SLC32A1: variants seen among roughly 807,000 people sequenced by gnomAD.
SLC32A1 encodes solute carrier family 32 member 1, also known as vesicular inhibitory amino acid transporter.
In SLC32A1, 8 loss-of-function variants were observed where a neutral mutation model predicts 35.5. The ratio of observed to expected loss-of-function variants is 0.23; its 90% confidence interval spans 0.13 to 0.41. SLC32A1 has a LOEUF of 0.41. Ranked by LOEUF, SLC32A1 falls within the 10% of genes least tolerant of loss-of-function variation. The pLI is 1.00. For synonymous variants in SLC32A1, 317 were observed against 326.3 expected, an observed-to-expected ratio of 0.97 and a Z score of 0.31; for missense variants, 493 against 722.3, an observed-to-expected ratio of 0.68 and a Z score of 3.64.
chr20:38,724,691 TC>T lies in SLC32A1; in HGVS notation c.-32del, dbSNP rs756236460. 30 of 1,548,644 alleles carry T rather than the reference TC, an allele frequency of 1.9e-5. No individual in the cohort carries two copies. Among genetic ancestry groups the T allele is most frequent in the Middle Eastern group, 4.7e-4 (2 of 4,222 alleles). ...GCATCGCGTTCCCCGCATCCTCGGGTCCTTCTGTCCTTTCCGCTGTCCCCAC... is the reference window on the plus strand; with the variant it reads ...GCATCGCGTTCCCCGCATCCTCGGGTCTTCTGTCCTTTCCGCTGTCCCCAC... On this transcript the variant is annotated 5_prime_UTR_variant, in exon 1 of 2. Transcript: ENST00000217420.
In SLC32A1 at chr20:38,727,641, T is replaced by A. The variant is rs1411899232; in HGVS notation, c.580T>A (p.Cys194Ser). 9.9e-6 allele frequency: 16 copies of A among 1,614,088 alleles called. No individual in the cohort carries two copies. The highest frequency in any genetic ancestry group is 1.3e-5 in the African/African-American group (1 of 75,078). ...DSYVAIANACCAPRFPTLGGR... is the reference protein window; with the variant it reads ...DSYVAIANACSAPRFPTLGGR... ...GTACGTGGCCATAGCCAACGCCTGC[T>A]GCGCCCCGCGCTTCCCAACGCTGGG... The change falls in exon 2 of 2, where the codon TGC becomes AGC. Residue 194 changes from cysteine (C) to serine (S), a missense_variant. By Grantham distance (112) the Cys-to-Ser change is moderately radical (BLOSUM62 -1). Transcript: ENST00000217420.
intron 1 of SLC32A1, 56 bp from the exon 2 acceptor site, chr20:38,727,396 T>A: frequency 1.3e-6 from 2 of 1,541,542 alleles, no homozygotes; most frequent in Non-Finnish European, 1.8e-6. Flanking sequence ...CCCGGGCCCC[T>A]CATCCGTTGC....
At chr20:38,725,409 C>A (rs2084271601) in intron 1 of SLC32A1, among the ~76,000 whole-genome samples, 2 of 152,134 alleles carry the variant, frequency 1.3e-5, no homozygotes, top group Admixed American at 6.5e-5. Context: ...GGGGAGGGAG[C>A]AGGAAGCGAT....
At position 38,726,251 on chromosome 20, in the gene SLC32A1, G is replaced by T. The variant is rs999315882; in HGVS notation, c.390+1137G>T. Among the ~76,000 whole-genome samples, 1 of 152,238 alleles carries T rather than the reference G, an allele frequency of 6.6e-6. No homozygotes were observed. The highest frequency in any genetic ancestry group is 6.5e-5 in the Admixed American group (1 of 15,290). Reference sequence around the variant, plus strand: ...GCGCACTATCACTGGGGCCACGGAAGGCAGGTTTTCTGGGAGCAGAGGCCT... The same window carrying T: ...GCGCACTATCACTGGGGCCACGGAATGCAGGTTTTCTGGGAGCAGAGGCCT... On this transcript the variant is annotated intron_variant, in intron 1 of 1. Transcript: ENST00000217420. The surrounding 1 kb of genome is among the most constrained non-coding windows in gnomAD (Gnocchi z 4.7).
chr20:38,724,658 G>C lies in SLC32A1; in HGVS notation c.-67G>C. The C allele has an allele frequency of 6.6e-7, 1 of 1,525,436 alleles. No homozygotes were observed. Among genetic ancestry groups the C allele is most frequent in the Non-Finnish European group, 8.8e-7 (1 of 1,141,008 alleles). 94.5% of individuals were successfully genotyped at this position (1,525,436 alleles called of 1,614,324 possible). On this transcript the variant is annotated 5_prime_UTR_variant, in exon 1 of 2. Transcript: ENST00000217420. ...AGCGACTTTGCGCCCCCCAGCCCTC[G>C]CCTTCTTGCATCGCGTTCCCCGCAT...
At chr20:38,727,001 G>T (rs2084278529) in intron 1 of SLC32A1, among the ~76,000 whole-genome samples, 1 of 151,894 alleles carries the variant, frequency 6.6e-6, no homozygotes, top group Non-Finnish European at 1.5e-5. Flanking sequence ...CTTTCCACTG[G>T]CCCAGGCCCA....
At position 38,724,736 on chromosome 20, in the gene SLC32A1, G is replaced by C. The variant is rs779446777; in HGVS notation, c.12G>C (p.Leu4Phe). 6 of 1,608,762 alleles carry C rather than the reference G, an allele frequency of 3.7e-6. No individual in the cohort carries two copies. Among genetic ancestry groups the C allele is most frequent in the African/African-American group, 1.3e-5 (1 of 74,908 alleles). Residue 4 changes from leucine to phenylalanine, a missense_variant, in exon 1 of 2, where the codon TTG (leucine) becomes TTC (phenylalanine). This residue lies in a region of SLC32A1 where 133 missense variants were observed against 145.9 expected (regional missense o/e 0.91). Transcript: ENST00000217420. MAT[L>F]LRSKLSNVAT... ...TCCCCACCGCCGCCATGGCCACCTT[G>C]CTCCGCAGCAAGCTGTCCAACGTGG... is the stretch of plus-strand genomic sequence containing the variant.
rs1367970441 is a variant in SLC32A1, at chr20:38,726,366, G to A, written c.391-1086G>A. On this transcript the variant is annotated intron_variant, in intron 1 of 1. Coordinates refer to ENST00000217420, the MANE Select transcript of SLC32A1 (RefSeq NM_080552.3). This position sits in a 1 kb window ranked among gnomAD's most constrained non-coding sequence, Gnocchi z 4.7. ...CGACCCAAGGCGCTTTCCGCTCCGG[G>A]GCCCGGCGAGACGGCCTTGCTGGAT... Among the ~76,000 whole-genome samples the A allele has an allele frequency of 1.3e-5, 2 of 152,162 alleles. No individual in the cohort carries two copies.
Position 38,727,661 on chromosome 20 carries a change from G to C in SLC32A1, c.600G>C (p.Thr200=), listed in dbSNP as rs772884195. Residue 200 remains threonine (T), a synonymous_variant, in exon 2 of 2, where the codon ACG becomes ACC. Coordinates refer to ENST00000217420, the MANE Select transcript of SLC32A1 (RefSeq NM_080552.3). ...CCTGCTGCGCCCCGCGCTTCCCAACGCTGGGCGGCCGAGTGGTGAACGTAG... is the reference window on the plus strand; with the variant it reads ...CCTGCTGCGCCCCGCGCTTCCCAACCCTGGGCGGCCGAGTGGTGAACGTAG... ...ANACCAPRFP[T]LGGRVVNVAQ... is the part of the protein sequence containing the mutation. 1.5e-5 allele frequency: 25 copies of C among 1,614,018 alleles called. No homozygotes were observed. Among genetic ancestry groups the C allele is most frequent in the Middle Eastern group, 3.3e-4 (2 of 6,084 alleles).
In SLC32A1 at chr20:38,724,857, G is replaced by C. The variant is rs1568627585; in HGVS notation, c.133G>C (p.Ala45Pro). 1 of 1,613,944 alleles carries C rather than the reference G, an allele frequency of 6.2e-7. No homozygotes were observed. Among genetic ancestry groups the C allele is most frequent in the Non-Finnish European group, 8.5e-7 (1 of 1,179,988 alleles). ...CACGGATGAGGAGGCGGTGGGCTTC[G>C]CGCATTGCGACGACCTCGACTTTGA... ...AATDEEAVGFAHCDDLDFEHR... is the reference protein window; with the variant it reads ...AATDEEAVGFPHCDDLDFEHR... Residue 45 changes from alanine (A) to proline (P), a missense_variant, in exon 1 of 2, where the codon GCG (alanine) becomes CCG (proline). This residue lies in a region of SLC32A1 where 133 missense variants were observed against 145.9 expected (regional missense o/e 0.91). Transcript: ENST00000217420.
chr20:38,724,972 T>A lies in SLC32A1; in HGVS notation c.248T>A (p.Ile83Asn). 9.4e-6 allele frequency: 15 copies of A among 1,600,082 alleles called. No homozygotes were observed. The highest frequency in any genetic ancestry group is 1.3e-5 in the Non-Finnish European group (15 of 1,172,628). The change falls in exon 1 of 2, where the codon ATC becomes AAC. Residue 83 changes from isoleucine (I) to asparagine (N), a missense_variant. Ile to Asn is a moderately radical substitution (Grantham distance 149). This residue lies in a region of SLC32A1 where 133 missense variants were observed against 145.9 expected (regional missense o/e 0.91). Coordinates refer to ENST00000217420, the MANE Select transcript of SLC32A1 (RefSeq NM_080552.3). ...GCTGAAGCGCCCGTCGAGGGAGACATCCATTATCAGCGAGGCAGCGGAGCT... is the reference window on the plus strand; with the variant it reads ...GCTGAAGCGCCCGTCGAGGGAGACAACCATTATCAGCGAGGCAGCGGAGCT... ...EGAEAPVEGD[I>N]HYQRGSGAPL...
In SLC32A1 at chr20:38,728,667, T is replaced by C; in HGVS notation, c.*28T>C. ...CGCAAGGGCGAGCCCCCGCCGCGCT[T>C]CTGCGCTCTCTCCCTTCTCCCCTCA... On this transcript the variant is annotated 3_prime_UTR_variant, in exon 2 of 2. Coordinates refer to ENST00000217420, the MANE Select transcript of SLC32A1 (RefSeq NM_080552.3). The C allele has an allele frequency of 6.4e-7, 1 of 1,550,840 alleles. No individual in the cohort carries two copies. The highest frequency in any genetic ancestry group is 8.7e-7 in the Non-Finnish European group (1 of 1,146,682).
At position 38,728,153 on chromosome 20, in the gene SLC32A1, C is replaced by A. The variant is rs2084285279; in HGVS notation, c.1092C>A (p.Asp364Glu). ...FALVAYLTWADETKEVITDNL... is the reference protein window; with the variant it reads ...FALVAYLTWAEETKEVITDNL... ...TCGTCGCCTACCTCACCTGGGCCGA[C>A]GAGACCAAGGAGGTCATCACGGATA... is the stretch of plus-strand genomic sequence containing the variant. The change falls in exon 2 of 2, where the codon GAC (aspartate) becomes GAA (glutamate). Residue 364 changes from aspartate (D) to glutamate (E), a missense_variant. Transcript: ENST00000217420. 6.2e-7 allele frequency: 1 copy of A among 1,614,050 alleles called. No homozygotes were observed. Among genetic ancestry groups the A allele is most frequent in the Non-Finnish European group, 8.5e-7 (1 of 1,180,048 alleles).
rs2084287742 is a variant in SLC32A1, at chr20:38,728,630, G to A, written c.1569G>A (p.Ala523=). The A allele has an allele frequency of 1.2e-6, 2 of 1,601,336 alleles. No individual in the cohort carries two copies. The highest frequency in any genetic ancestry group is 1.1e-5 in the South Asian group (1 of 89,518). The part of the protein sequence containing the change: ...EGLIEAYRTN[A]ED ...TCATCGAAGCCTACCGAACCAACGCGGAGGACTAGGGCGCAAGGGCGAGCC... is the reference window on the plus strand; with the variant it reads ...TCATCGAAGCCTACCGAACCAACGCAGAGGACTAGGGCGCAAGGGCGAGCC... The change falls in exon 2 of 2, where the codon GCG becomes GCA. Residue 523 remains alanine (A), a synonymous_variant. Transcript: ENST00000217420.
chr20:38,728,601 G>A lies in SLC32A1; in HGVS notation c.1540G>A (p.Gly514Ser), dbSNP rs747052666. ...SVSGFVHSLE[G>S]LIEAYRTNAE... ...GTCCGGCTTCGTGCACTCCCTCGAGGGCCTCATCGAAGCCTACCGAACCAA... is the reference window on the plus strand; with the variant it reads ...GTCCGGCTTCGTGCACTCCCTCGAGAGCCTCATCGAAGCCTACCGAACCAA... Residue 514 changes from glycine to serine, a missense_variant, in exon 2 of 2, where the codon GGC (glycine) becomes AGC (serine). By Grantham distance (56) the Gly-to-Ser change is moderately conservative (BLOSUM62 0). Transcript: ENST00000217420. 2 of 1,611,656 alleles carry A rather than the reference G, an allele frequency of 1.2e-6. No homozygotes were observed. Among genetic ancestry groups the A allele is most frequent in the Non-Finnish European group, 1.7e-6 (2 of 1,179,390 alleles).
Position 38,726,708 on chromosome 20 carries a change from C to T in SLC32A1, c.391-744C>T, listed in dbSNP as rs1053282730. On this transcript the variant is annotated intron_variant, in intron 1 of 1. Transcript: ENST00000217420. This position sits in a 1 kb window ranked among gnomAD's most constrained non-coding sequence, Gnocchi z 4.7. ...CTTAGTCCCCTTCCTTAGGTCTCGC[C>T]CTCGCCTCACTCTAACTCCAGCCTT... 2.6e-5 allele frequency among the ~76,000 whole-genome samples: 4 copies of T among 152,134 alleles called. No homozygotes were observed. The highest frequency in any genetic ancestry group is 1.3e-4 in the Admixed American group (2 of 15,272).
At position 38,724,544 on chromosome 20, in the gene SLC32A1, C is replaced by A; in HGVS notation, c.-181C>A. 1.3e-6 allele frequency: 1 copy of A among 745,748 alleles called. No homozygotes were observed. The highest frequency in any genetic ancestry group is 3.0e-5 in the East Asian group (1 of 32,996). The allele number at this position is 745,748 out of a possible 1,614,324, so 46.2% of individuals were successfully genotyped here. A position where few individuals can be genotyped will look rare whatever the true frequency, so the allele number is the denominator to read the frequency against. ...CCGCCAGACCTGCTGCCAGCTTGCCCGGTCCAGCCCTGAGAGAGCCTCGAA... is the reference window on the plus strand; with the variant it reads ...CCGCCAGACCTGCTGCCAGCTTGCCAGGTCCAGCCCTGAGAGAGCCTCGAA... On this transcript the variant is annotated 5_prime_UTR_variant, in exon 1 of 2. Coordinates refer to ENST00000217420, the MANE Select transcript of SLC32A1 (RefSeq NM_080552.3).
rs2084268648 is a variant in SLC32A1, at chr20:38,724,883, G to A, written c.159G>A (p.Glu53=). ...GFAHCDDLDF[E]HRQGLQMDIL... Reference sequence around the variant, plus strand: ...CGCATTGCGACGACCTCGACTTTGAGCACCGCCAGGGCCTGCAGATGGACA... The same window carrying A: ...CGCATTGCGACGACCTCGACTTTGAACACCGCCAGGGCCTGCAGATGGACA... Residue 53 remains glutamate, a synonymous_variant, in exon 1 of 2, where the codon GAG becomes GAA. Transcript: ENST00000217420. The A allele has an allele frequency of 6.2e-7, 1 of 1,613,890 alleles. No individual in the cohort carries two copies. The highest frequency in any genetic ancestry group is 8.5e-7 in the Non-Finnish European group (1 of 1,180,008).
intron 1 of SLC32A1, 53 bp from the exon 2 acceptor site, chr20:38,727,399 T>G: frequency 6.4e-7 from 1 of 1,551,894 alleles, no homozygotes; most frequent in Non-Finnish European, 8.8e-7. Context: ...GGGCCCCTCA[T>G]CCGTTGCCAA....
Sources: gnomAD v4.1 joint callset for allele counts (sites outside exome capture counted in the v4.1 genomes callset) on GRCh38, gnomAD v4.1.1 for gene constraint, gnomAD v4.1.1 regional missense constraint, Gnocchi (gnomAD v3.1) non-coding constraint, MANE v1.5 for transcripts, NCBI Gene and HGNC (gene_info 2026-07-23, HGNC 2026-07-21) for gene names.